DYM: variants seen among roughly 807,000 people sequenced by gnomAD.
DYM encodes dymeclin.
Under a neutral mutation model 93.1 loss-of-function variants are expected in DYM, and 78 were observed. The observed-to-expected ratio is 0.84, with a 90% CI of 0.70 to 1.01. The LOEUF (loss-of-function observed/expected upper bound fraction) is 1.01. Ranked by LOEUF, DYM falls within the 50% of genes least tolerant of loss-of-function variation. DYM has a pLI of 0.00. For synonymous variants in DYM, 321 were observed against 319.7 expected, an observed-to-expected ratio of 1.00 and a Z score of -0.04; for missense variants, 789 against 845.0, an observed-to-expected ratio of 0.93 and a Z score of 0.82.
intron 15 of DYM, among the ~76,000 whole-genome samples, chr18:49,156,661 GGCAGAGGCT>G (rs2086480712): frequency 6.6e-6 from 1 of 151,022 alleles, no homozygotes; most frequent in African/African-American, 2.4e-5. Flanking sequence ...GAACCCAGGA[GGCAGAGGCT>G]GCAGTGAGCT....
chr18:49,132,267 T>C (rs780277885), intron 15 of DYM, among the ~76,000 whole-genome samples: 2 of 152,154 alleles, frequency 1.3e-5, no homozygotes, highest in African/African-American at 2.4e-5. Context: ...AAAATCTAAT[T>C]GCAGAAACAA....
intron 1 of DYM, among the ~76,000 whole-genome samples, chr18:49,455,249 T>C (rs1366048832): frequency 6.6e-6 from 1 of 152,170 alleles, no homozygotes; most frequent in African/African-American, 2.4e-5. Flanking sequence ...GTCTTTTGAG[T>C]GTCAGTCCCG....
intron 17 of DYM, chr18:49,097,074 TG>T: frequency 2.5e-6 from 1 of 407,588 alleles, no homozygotes; most frequent in Non-Finnish European, 4.6e-6. Context: ...GCTACTCTTG[TG>T]ATCATCTTCA....
chr18:49,112,820 A>G (rs2081547335), intron 16 of DYM, among the ~76,000 whole-genome samples: 2 of 152,232 alleles, frequency 1.3e-5, no homozygotes, highest in African/African-American at 4.8e-5. Flanking sequence ...CCAGTTCCCC[A>G]TAACTCCGTC....
chr18:49,208,552 GTC>G (rs1257461432), intron 14 of DYM: 2 of 152,158 alleles, frequency 1.3e-5, no homozygotes, highest in Non-Finnish European at 2.9e-5. Context: ...TCCAAGAAAA[GTC>G]TCTGTCAACT....
intron 13 of DYM, among the ~76,000 whole-genome samples, chr18:49,211,992 A>G (rs1309747607): frequency 2.6e-5 from 4 of 152,240 alleles, no homozygotes; most frequent in Non-Finnish European, 4.4e-5. Flanking sequence ...GATCACAGTT[A>G]ACATTAACAT....
chr18:49,148,491 C>G (rs1323576343), intron 15 of DYM, among the ~76,000 whole-genome samples: 17 of 152,086 alleles, frequency 1.1e-4, no homozygotes, highest in Admixed American at 1.1e-3. Flanking sequence ...CTCCCAGGCT[C>G]AAGATATTCT....
At chr18:49,313,761 A>T (rs2061756325) in intron 8 of DYM, among the ~76,000 whole-genome samples, 1 of 152,092 alleles carries the variant, frequency 6.6e-6, no homozygotes, top group African/African-American at 2.4e-5. Context: ...CTCTCTTGGG[A>T]TCTGGATCGG....
intron 4 of DYM, among the ~76,000 whole-genome samples, chr18:49,379,378 G>A (rs2067820632): frequency 1.3e-5 from 2 of 151,986 alleles, no homozygotes; most frequent in Non-Finnish European, 2.9e-5. Flanking sequence ...CAGTGATAAT[G>A]GGGGGGAGGG....
chr18:49,438,693 G>C (rs2081067402), intron 1 of DYM, among the ~76,000 whole-genome samples: 1 of 152,174 alleles, frequency 6.6e-6, no homozygotes, highest in Non-Finnish European at 1.5e-5. Context: ...TAGGAACAGA[G>C]TGAAGGCAAC....
intron 3 of DYM, among the ~76,000 whole-genome samples, chr18:49,390,531 A>C (rs2069110985): frequency 6.6e-6 from 1 of 151,886 alleles, no homozygotes; most frequent in Non-Finnish European, 1.5e-5. Flanking sequence ...TTTTTGAGAC[A>C]GAGTCTCGCT....
At chr18:49,245,643 G>C (rs1179197590) in intron 13 of DYM, among the ~76,000 whole-genome samples, 2 of 152,168 alleles carry the variant, frequency 1.3e-5, no homozygotes, top group African/African-American at 2.4e-5. Context: ...TGTTTATCAA[G>C]ACAATGTGTG....
chr18:49,384,873 G>C (rs946407495), intron 3 of DYM, among the ~76,000 whole-genome samples: 1 of 150,624 alleles, frequency 6.6e-6, no homozygotes, highest in African/African-American at 2.4e-5. Flanking sequence ...AGGTGATCAA[G>C]AGGTAGGGAG....
intron 17 of DYM, among the ~76,000 whole-genome samples, chr18:49,064,990 T>A (rs1324607560): frequency 6.6e-6 from 1 of 151,928 alleles, no homozygotes; most frequent in Non-Finnish European, 1.5e-5. Context: ...CTCAAAGTTT[T>A]TACTTACTTA....
At position 49,043,404 on chromosome 18, in the gene DYM, A is replaced by G. The variant is rs2071078877; in HGVS notation, c.*651T>C. The G allele has an allele frequency of 6.6e-6, 1 of 152,384 alleles. No homozygotes were observed. The highest frequency in any genetic ancestry group is 1.5e-5 in the Non-Finnish European group (1 of 68,144). The allele number at this position is 152,384 out of a possible 1,614,324, so 9.4% of individuals were successfully genotyped here. A position where few individuals can be genotyped will look rare whatever the true frequency, so the allele number is the denominator to read the frequency against. ...CTTGGCTCCCCAAAGTGCTGGGATT[A>G]CAAATGTGAGCCACTGTATCTGGCC... On this transcript the variant is annotated 3_prime_UTR_variant, in exon 18 of 18. Transcript: ENST00000675505.
chr18:49,219,401 T>C (rs1345459717), intron 13 of DYM, among the ~76,000 whole-genome samples: 2 of 152,206 alleles, frequency 1.3e-5, no homozygotes, highest in Non-Finnish European at 2.9e-5. Context: ...CCCTAACTCA[T>C]TTTATGAGGC....
intron 16 of DYM, 145 bp downstream of exon 16, chr18:49,118,599 A>T: frequency 1.3e-6 from 1 of 766,732 alleles, no homozygotes; most frequent in Non-Finnish European, 2.2e-6. Flanking sequence ...AGATTACCAC[A>T]ACTATTATAG....
At chr18:49,202,465 T>G (rs202142235) in intron 14 of DYM, among the ~76,000 whole-genome samples, 2 of 136,572 alleles carry the variant, frequency 1.5e-5, no homozygotes, top group Non-Finnish European at 3.2e-5. Flanking sequence ...TCGTCTGGGA[T>G]GTGAGGAGCC....
At chr18:49,399,934 C>CTTTTTTTTTTTT (rs1201370040) in intron 2 of DYM, among the ~76,000 whole-genome samples, 11 of 66,110 alleles carry the variant, frequency 1.7e-4, no homozygotes, top group Non-Finnish European at 3.0e-4. Flanking sequence ...TTTTATTTTT[C>CTTTTTTTTTTTT]TTTTTTTTTT....
Sources: allele counts gnomAD v4.1 joint callset (sites outside exome capture counted in the v4.1 genomes callset), GRCh38; gene constraint gnomAD v4.1.1; transcripts MANE v1.5; gene names NCBI Gene and HGNC (gene_info 2026-07-23, HGNC 2026-07-21).